Variants in ARL13B observed in about 807,000 individuals in gnomAD.
ARL13B encodes the protein ADP-ribosylation factor-like protein 13B.
Under a neutral mutation model 56.1 loss-of-function variants are expected in ARL13B, and 36 were observed. That is an observed-to-expected ratio of 0.64 (90% CI 0.49 to 0.85). The LOEUF (loss-of-function observed/expected upper bound fraction) is 0.85, where lower values mean the gene tolerates loss of function less well. ARL13B is among the 40% of genes least tolerant of loss of function. The pLI, the probability that ARL13B is intolerant of heterozygous loss-of-function variation, is 0.00. For missense variants in ARL13B, 519 were observed against 507.1 expected (o/e 1.02, Z -0.23); for synonymous variants, 178 against 171.1 (o/e 1.04, Z -0.32).
chr3:93,996,575 C>A, intron 2 of ARL13B: 1 of 406,710 alleles, frequency 2.5e-6, no homozygotes, highest in Non-Finnish European at 5.0e-6. Flanking sequence ...ATGGGGTCTC[C>A]CTATGTTGCC....
intron 8 of ARL13B, among the ~76,000 whole-genome samples, 173 bp downstream of exon 8, chr3:94,049,695 A>G (rs555618458): frequency 2.0e-5 from 3 of 152,244 alleles, no homozygotes; most frequent in Non-Finnish European, 2.9e-5. Context: ...ACAAATGTCC[A>G]TTGCTTTTTT....
At chr3:94,043,363 C>T (rs766401785) in intron 7 of ARL13B, 123 bp downstream of exon 7, 131 of 857,862 alleles carry the variant, frequency 1.5e-4, no homozygotes, top group Non-Finnish European at 2.2e-4. Flanking sequence ...TCTTCAAATG[C>T]CATATTTACC....
intron 3 of ARL13B, among the ~76,000 whole-genome samples, chr3:94,029,334 A>ATTTTTTTTTTTTTTTTTTTTTT (rs71105171): frequency 1.9e-5 from 1 of 53,438 alleles, no homozygotes; most frequent in African/African-American, 9.3e-5. Flanking sequence ...ATATATATAT[A>ATTTTTTTTTTTTTTTTTTTTTT]TTTATTTTTT....
At chr3:94,049,608 T>A (rs2077038783) in intron 8 of ARL13B, 86 bp downstream of exon 8, 14 of 1,039,078 alleles carry the variant, frequency 1.3e-5, no homozygotes, top group Admixed American at 6.1e-5. Context: ...ATCTTGTCAT[T>A]TTTATTCTGT....
chr3:94,025,521 A>G (rs1002517919), intron 3 of ARL13B, among the ~76,000 whole-genome samples: 4 of 152,158 alleles, frequency 2.6e-5, no homozygotes, highest in Non-Finnish European at 4.4e-5. Flanking sequence ...GTAAATTCCT[A>G]TGTTTGCTGT....
At chr3:94,035,755 A>G (rs1448403540) in intron 4 of ARL13B, among the ~76,000 whole-genome samples, 2 of 152,226 alleles carry the variant, frequency 1.3e-5, no homozygotes, top group African/African-American at 2.4e-5. Context: ...ATTTAAACAT[A>G]TGAGAGATTC....
At position 94,014,650 on chromosome 3, in the gene ARL13B, G is replaced by A. The variant is rs1305517992; in HGVS notation, c.380+10742G>A. ...TCTCTGTTCAATCTCTGAAAGTTGT[G>A]CTTTAGTGATATTGATTTCTGTAAG... On this transcript the variant is annotated intron_variant, in intron 3 of 9. Transcript: ENST00000394222. 15 of 1,613,534 alleles carry A rather than the reference G, an allele frequency of 9.3e-6. No homozygotes were observed. The South Asian group carries it at 1.4e-4, about 15-fold the overall frequency.
At chr3:94,050,440 C>T (rs2077050286) in intron 8 of ARL13B, among the ~76,000 whole-genome samples, 3 of 151,958 alleles carry the variant, frequency 2.0e-5, no homozygotes, top group Admixed American at 6.6e-5. Context: ...CCCTTATAGC[C>T]CTGCTACAAG....
chr3:94,010,577 A>AAAATAATG (rs2076207254), intron 3 of ARL13B, among the ~76,000 whole-genome samples: 1 of 152,046 alleles, frequency 6.6e-6, no homozygotes, highest in Non-Finnish European at 1.5e-5. Context: ...ATCTTAAGAA[A>AAAATAATG]AAATAATGAC....
chr3:94,035,234 C>T (rs1270812375), intron 3 of ARL13B, 97 bp from the exon 4 acceptor site: 11 of 808,082 alleles, frequency 1.4e-5, no homozygotes, highest in Admixed American at 2.5e-5. Flanking sequence ...AAGACTCAGT[C>T]TCAAAAAAAA....
At chr3:94,014,716 A>G (rs759629391) in intron 3 of ARL13B, 3 of 1,613,010 alleles carry the variant, frequency 1.9e-6, no homozygotes, top group East Asian at 2.2e-5. Context: ...TTGATGAAGC[A>G]TATCATTTAC....
chr3:94,025,857 A>G (rs1451280255), intron 3 of ARL13B, among the ~76,000 whole-genome samples: 1 of 152,116 alleles, frequency 6.6e-6, no homozygotes, highest in African/African-American at 2.4e-5. Flanking sequence ...ATTCCTAGTT[A>G]ACTGTTTCAT....
chr3:93,990,401 A>C (rs1227054010), intron 1 of ARL13B, among the ~76,000 whole-genome samples: 2 of 152,138 alleles, frequency 1.3e-5, no homozygotes, highest in Non-Finnish European at 2.9e-5. Flanking sequence ...ATATATATAT[A>C]TAGTGAAGTA....
intron 2 of ARL13B, among the ~76,000 whole-genome samples, chr3:93,998,835 T>G (rs191142036): frequency 6.6e-6 from 1 of 152,176 alleles, no homozygotes; most frequent in African/African-American, 2.4e-5. Flanking sequence ...CACAATTGTT[T>G]AGGCCATGCG....
At chr3:94,011,571 C>G (rs1310508463) in intron 3 of ARL13B, among the ~76,000 whole-genome samples, 1 of 152,122 alleles carries the variant, frequency 6.6e-6, no homozygotes, top group African/African-American at 2.4e-5. Context: ...TAAACCCTGC[C>G]TTTTCTTCTA....
At chr3:94,043,946 G>A (rs1432469094) in intron 7 of ARL13B, among the ~76,000 whole-genome samples, 3 of 151,568 alleles carry the variant, frequency 2.0e-5, no homozygotes, top group African/African-American at 7.3e-5. Context: ...ACGGAGTCTC[G>A]CTCACTCAAC....
rs1203669844 is a variant in ARL13B at position 94,014,406 on chromosome 3, A to G, written c.380+10498A>G. On this transcript the variant is annotated intron_variant, in intron 3 of 9. Coordinates refer to ENST00000394222, the MANE Select transcript of ARL13B (RefSeq NM_001174150.2). ...TTCTTTATTTTGAGCTACAGCATGG[A>G]CAGCACCAACAACACAGTACTCTGC... 15 of 1,552,470 alleles carry G rather than the reference A, an allele frequency of 9.7e-6. No homozygotes were observed. The East Asian group carries it at 3.4e-4, about 35-fold the overall frequency.
At position 94,043,244 on chromosome 3, in the gene ARL13B, A is replaced by G; in HGVS notation, c.1024+4A>G. The G allele has an allele frequency of 4.4e-6, 7 of 1,608,588 alleles. No individual in the cohort carries two copies. The highest frequency in any genetic ancestry group is 6.0e-6 in the Non-Finnish European group (7 of 1,175,914). ...GACCGGCCATCATTGGAATCAGGTA[A>G]TAAATCTAGTTATTTAAAGTAATTA... On this transcript the variant is annotated splice_donor_region_variant and intron_variant, in intron 7 of 9. Transcript: ENST00000394222.
chr3:94,035,705 A>G (rs541265909), intron 4 of ARL13B, among the ~76,000 whole-genome samples: 23 of 152,308 alleles, frequency 1.5e-4, no homozygotes, highest in African/African-American at 4.8e-4. Flanking sequence ...ACATCATGGC[A>G]TGAAATTTGT....
Sources: gnomAD v4.1 joint callset for allele counts (sites outside exome capture counted in the v4.1 genomes callset) on GRCh38, gnomAD v4.1.1 for gene constraint, MANE v1.5 for transcripts, NCBI Gene and HGNC (gene_info 2026-07-23, HGNC 2026-07-21) for gene names.